RALYL: variants seen among roughly 807,000 people sequenced by gnomAD.
The protein encoded by RALYL is RALY RNA binding protein like.
RALYL carries 29 observed loss-of-function variants against 35.1 expected under a neutral mutation model. The observed-to-expected ratio is 0.83, with a 90% confidence interval of 0.61 to 1.13. The LOEUF (loss-of-function observed/expected upper bound fraction) is 1.13, where lower values mean the gene tolerates loss of function less well. Ranked by LOEUF, RALYL falls within the 50% of genes most tolerant of loss-of-function variation. The pLI is 0.00. For missense variants in RALYL, 359 were observed against 360.4 expected (o/e 1.00, Z 0.03); for synonymous variants, 120 against 127.6 (o/e 0.94, Z 0.40).
At chr8:84,441,646 G>T (rs1563937283) in intron 1 of RALYL, among the ~76,000 whole-genome samples, 1 of 152,038 alleles carries the variant, frequency 6.6e-6, no homozygotes, top group African/African-American at 2.4e-5. Flanking sequence ...GGAGCTAGAA[G>T]AACCAAAAAG....
intron 1 of RALYL, among the ~76,000 whole-genome samples, chr8:84,522,901 G>A (rs937309402): frequency 2.0e-5 from 3 of 152,036 alleles, no homozygotes; most frequent in Admixed American, 6.6e-5. Flanking sequence ...AGACATACCC[G>A]AGACTGGTTA....
At chr8:84,480,198 T>C (rs1294106301) in intron 1 of RALYL, among the ~76,000 whole-genome samples, 1 of 152,156 alleles carries the variant, frequency 6.6e-6, no homozygotes, top group African/African-American at 2.4e-5. Context: ...TCAAGAAATA[T>C]CTATCTAATG....
At chr8:84,664,906 T>A (rs1193925985) in intron 2 of RALYL, among the ~76,000 whole-genome samples, 1 of 152,116 alleles carries the variant, frequency 6.6e-6, no homozygotes, top group Non-Finnish European at 1.5e-5. Flanking sequence ...CTTTTGCCAG[T>A]TTTCAAGGGG....
chr8:84,398,411 G>A (rs183699883), intron 1 of RALYL, among the ~76,000 whole-genome samples: 4 of 151,858 alleles, frequency 2.6e-5, no homozygotes, highest in East Asian at 1.9e-4. Flanking sequence ...TGAATAAAGC[G>A]AAATTGTAAG....
chr8:84,529,554 G>A lies in RALYL; in HGVS notation c.233G>A (p.Arg78Lys), dbSNP rs1046794127. Residue 78 changes from arginine (R) to lysine (K), a missense_variant, in exon 2 of 9, where the codon AGA becomes AAA. Arg to Lys is a conservative substitution (Grantham distance 26). Coordinates refer to ENST00000521268, the MANE Select transcript of RALYL (RefSeq NM_173848.7). ...ARAAVAGENA[R>K]VIAGQPLDIN... is the part of the protein sequence containing the mutation. Reference sequence around the variant, plus strand: ...GCTGCAGTGGCTGGAGAAAATGCCAGAGTCATCGCCGGCCAACCACTTGGT... The same window carrying A: ...GCTGCAGTGGCTGGAGAAAATGCCAAAGTCATCGCCGGCCAACCACTTGGT... 3 of 1,608,616 alleles carry A rather than the reference G, an allele frequency of 1.9e-6. No homozygotes were observed. Among genetic ancestry groups the A allele is most frequent in the Non-Finnish European group, 2.6e-6 (3 of 1,175,306 alleles).
At chr8:84,825,328 T>TA (rs1037422162) in intron 4 of RALYL, among the ~76,000 whole-genome samples, 12 of 151,820 alleles carry the variant, frequency 7.9e-5, no homozygotes, top group South Asian at 4.1e-4. Context: ...TGGCTATTAT[T>TA]AAAAAAAATT....
At chr8:84,548,049 T>G (rs766285155) in intron 2 of RALYL, among the ~76,000 whole-genome samples, 2 of 152,214 alleles carry the variant, frequency 1.3e-5, no homozygotes, top group Non-Finnish European at 2.9e-5. Flanking sequence ...GTATATATTT[T>G]CAAATTAGAT....
chr8:84,691,619 T>C (rs1237950943), intron 2 of RALYL, among the ~76,000 whole-genome samples: 1 of 151,878 alleles, frequency 6.6e-6, no homozygotes, highest in African/African-American at 2.4e-5. Flanking sequence ...TGGGCTTTCT[T>C]CCTCCCCCCT....
intron 2 of RALYL, among the ~76,000 whole-genome samples, chr8:84,741,605 T>C (rs940541182): frequency 2.6e-5 from 4 of 152,022 alleles, no homozygotes; most frequent in African/African-American, 4.8e-5. Flanking sequence ...TTGTAATGAC[T>C]GAGCACTTAT....
chr8:84,620,414 G>A lies in RALYL; in HGVS notation c.256+90837G>A, dbSNP rs550360011. On this transcript the variant is annotated intron_variant, in intron 2 of 8. Coordinates refer to ENST00000521268, the MANE Select transcript of RALYL (RefSeq NM_173848.7). Reference sequence around the variant, plus strand: ...CTCCTGAGGCTTCTGCATTCTTCACGTAGTTCTCGAGCCTTGGTTTGCAGC... The same window carrying A: ...CTCCTGAGGCTTCTGCATTCTTCACATAGTTCTCGAGCCTTGGTTTGCAGC... Among the ~76,000 whole-genome samples the A allele has an allele frequency of 1.9e-4, 29 of 151,924 alleles. No homozygotes were observed. The South Asian group carries it at 2.3e-3, about 12-fold the overall frequency.
chr8:84,206,262 A>G (rs1818026093), intron 1 of RALYL, among the ~76,000 whole-genome samples: 1 of 152,144 alleles, frequency 6.6e-6, no homozygotes, highest in African/African-American at 2.4e-5. Context: ...TTACCATTCT[A>G]TGTGGGACCA....
At chr8:84,264,774 A>G (rs1832971151) in intron 1 of RALYL, among the ~76,000 whole-genome samples, 1 of 151,930 alleles carries the variant, frequency 6.6e-6, no homozygotes, top group Non-Finnish European at 1.5e-5. Context: ...GAAATCAACA[A>G]TGACTGATGT....
At chr8:84,702,971 G>A (rs150363902) in intron 2 of RALYL, among the ~76,000 whole-genome samples, 7 of 152,100 alleles carry the variant, frequency 4.6e-5, no homozygotes, top group African/African-American at 7.2e-5. Flanking sequence ...AGCCCATTTG[G>A]GATTCTTGAA....
chr8:84,858,801 G>A (rs574055428), intron 5 of RALYL, among the ~76,000 whole-genome samples: 9 of 152,148 alleles, frequency 5.9e-5, no homozygotes, highest in African/African-American at 1.4e-4. Context: ...AGCCTTCCCC[G>A]CTTTCTATCC....
chr8:84,851,259 A>C (rs1835806001), intron 5 of RALYL, among the ~76,000 whole-genome samples: 1 of 151,792 alleles, frequency 6.6e-6, no homozygotes, highest in South Asian at 2.1e-4. Context: ...TGAAAGATGG[A>C]ATGTGATTAG....
At chr8:84,592,755 T>C (rs1024963896) in intron 2 of RALYL, among the ~76,000 whole-genome samples, 1 of 152,092 alleles carries the variant, frequency 6.6e-6, no homozygotes, top group Admixed American at 6.6e-5. Context: ...AGCATAAAAA[T>C]GAAAAGTTTC....
At chr8:84,408,829 A>G (rs1375528303) in intron 1 of RALYL, among the ~76,000 whole-genome samples, 1 of 152,152 alleles carries the variant, frequency 6.6e-6, no homozygotes, top group South Asian at 2.1e-4. Flanking sequence ...ATTATTCTGT[A>G]TTTACCTGAA....
chr8:84,238,653 A>AG (rs1827153816), intron 1 of RALYL, among the ~76,000 whole-genome samples: 1 of 152,140 alleles, frequency 6.6e-6, no homozygotes, highest in East Asian at 1.9e-4. Context: ...CAGAGAAGCA[A>AG]GGGGGAAGAT....
chr8:84,740,518 T>C (rs1445376828), intron 2 of RALYL, among the ~76,000 whole-genome samples: 1 of 152,058 alleles, frequency 6.6e-6, no homozygotes, highest in Non-Finnish European at 1.5e-5. Flanking sequence ...TAACTTTTTA[T>C]TGTGGTAAGA....
Sources: allele counts gnomAD v4.1 joint callset (sites outside exome capture counted in the v4.1 genomes callset), GRCh38; gene constraint gnomAD v4.1.1; transcripts MANE v1.5; gene names NCBI Gene and HGNC (gene_info 2026-07-23, HGNC 2026-07-21).